ARHGAP29: variants seen among roughly 807,000 people sequenced by gnomAD.
ARHGAP29 encodes Rho GTPase activating protein 29.
In ARHGAP29, 43 loss-of-function variants were observed where a neutral mutation model predicts 122.6. The observed-to-expected ratio is 0.35, with a 90% confidence interval of 0.27 to 0.45. The LOEUF is 0.45. ARHGAP29 is among the 20% of genes least tolerant of loss of function. The pLI is 1.00. For missense variants in ARHGAP29, 1,303 were observed against 1,477.2 expected (o/e 0.88, Z 1.93); for synonymous variants, 506 against 497.1 (o/e 1.02, Z -0.24).
the ARHGAP29 span, among the ~76,000 whole-genome samples, chr1:94,310,311 G>A: frequency 1.3e-5 from 2 of 152,212 alleles, no homozygotes; most frequent in Non-Finnish European, 2.9e-5. Flanking sequence ...TCCTGTCCCA[G>A]GTGAAGAAGG....
intron 22 of ARHGAP29, among the ~76,000 whole-genome samples, chr1:94,174,968 T>A (rs974968665): frequency 6.6e-6 from 1 of 152,202 alleles, no homozygotes; most frequent in African/African-American, 2.4e-5. Context: ...TAAATCAACA[T>A]GAACAGCTAC....
At chr1:94,300,610 A>G in the ARHGAP29 span, among the ~76,000 whole-genome samples, 8 of 152,332 alleles carry the variant, frequency 5.3e-5, no homozygotes, top group African/African-American at 1.9e-4. Flanking sequence ...AGAATGTAAT[A>G]CAATTTTTAA....
chr1:94,180,275 T>C (rs1432630516), intron 19 of ARHGAP29, among the ~76,000 whole-genome samples: 1 of 152,182 alleles, frequency 6.6e-6, no homozygotes, highest in Non-Finnish European at 1.5e-5. Context: ...CCAAAGTTAG[T>C]ATGATCTTCA....
chr1:94,208,923 AAAAG>A lies in ARHGAP29; in HGVS notation c.438-23_438-20del, dbSNP rs751557084. The A allele has an allele frequency of 3.1e-6, 5 of 1,603,698 alleles. No homozygotes were observed. Among genetic ancestry groups the A allele is most frequent in the Admixed American group, 1.7e-5 (1 of 59,868 alleles). The stretch of plus-strand genomic sequence containing the variant: ...TGTAAGGCTATCCAAGGAGGTTAAA[AAAAG>A]AAAGACAAGTCATTATACTTCTTTG... On this transcript the variant is annotated intron_variant, in intron 4 of 22. Transcript: ENST00000260526.
At chr1:94,214,901 C>T (rs985474719) in intron 3 of ARHGAP29, among the ~76,000 whole-genome samples, 3 of 152,100 alleles carry the variant, frequency 2.0e-5, no homozygotes, top group African/African-American at 7.2e-5. Context: ...TCTATACACA[C>T]ATAATCAGCT....
the ARHGAP29 span, among the ~76,000 whole-genome samples, chr1:94,300,045 A>G: frequency 3.3e-5 from 5 of 152,202 alleles, no homozygotes; most frequent in African/African-American, 4.8e-5. Flanking sequence ...CACATATGCC[A>G]GTGTGCAGCA....
the ARHGAP29 span, among the ~76,000 whole-genome samples, chr1:94,308,346 A>C: frequency 6.6e-6 from 1 of 152,124 alleles, no homozygotes; most frequent in African/African-American, 2.4e-5. Context: ...TGCTTCAGAG[A>C]CATTGAGCAA....
the ARHGAP29 span, among the ~76,000 whole-genome samples, chr1:94,282,773 G>A: frequency 6.6e-6 from 1 of 152,106 alleles, no homozygotes; most frequent in Non-Finnish European, 1.5e-5. Flanking sequence ...AGAGAGCTAT[G>A]GACTGCTTCA....
chr1:94,282,885 T>G, the ARHGAP29 span, among the ~76,000 whole-genome samples: 1 of 152,220 alleles, frequency 6.6e-6, no homozygotes, highest in Admixed American at 6.5e-5. Context: ...ACTTTAGATC[T>G]GAGTGAATCT....
chr1:94,181,129 T>C (rs1160042703), intron 19 of ARHGAP29, among the ~76,000 whole-genome samples: 1 of 151,734 alleles, frequency 6.6e-6, no homozygotes, highest in African/African-American at 2.4e-5. Context: ...AGCTGAAGAG[T>C]TGAAGAGCAA....
the ARHGAP29 span, among the ~76,000 whole-genome samples, chr1:94,292,665 G>A: frequency 2.6e-5 from 4 of 152,142 alleles, no homozygotes; most frequent in Non-Finnish European, 4.4e-5. Context: ...TGTTGATGTT[G>A]ATGCTGTTCC....
At chr1:94,214,417 T>C (rs371722954) in intron 3 of ARHGAP29, among the ~76,000 whole-genome samples, 2 of 152,296 alleles carry the variant, frequency 1.3e-5, no homozygotes, top group Middle Eastern at 3.4e-3. Flanking sequence ...AAACTACCTG[T>C]CTAGTTTTAA....
chr1:94,313,164 A>G, the ARHGAP29 span, among the ~76,000 whole-genome samples: 2 of 151,218 alleles, frequency 1.3e-5, no homozygotes. Context: ...GCTTTGGAAA[A>G]TCTCCTTCCT....
At chr1:94,185,251 T>C in intron 17 of ARHGAP29, 91 bp downstream of exon 17, 2 of 1,381,010 alleles carry the variant, frequency 1.4e-6, no homozygotes, top group Non-Finnish European at 1.9e-6. Flanking sequence ...TAAACATATA[T>C]TTGCAAAAGA....
chr1:94,214,929 T>G (rs1259573058), intron 3 of ARHGAP29, among the ~76,000 whole-genome samples: 2 of 152,114 alleles, frequency 1.3e-5, no homozygotes, highest in Non-Finnish European at 2.9e-5. Flanking sequence ...ACCTATAAAA[T>G]TTCTGACACA....
At chr1:94,269,398 T>C (rs973871946) in intron 1 of ARHGAP29, among the ~76,000 whole-genome samples, 3 of 152,140 alleles carry the variant, frequency 2.0e-5, no homozygotes, top group African/African-American at 7.2e-5. Context: ...AACAGGATGC[T>C]AAAGGAACAC....
At chr1:94,189,154 C>A (rs1175710263) in intron 14 of ARHGAP29, 62 bp downstream of exon 14, 1 of 1,528,394 alleles carries the variant, frequency 6.5e-7, no homozygotes, top group Admixed American at 2.1e-5. Context: ...ATTAATTTAA[C>A]AATCACATTC....
intron 12 of ARHGAP29, among the ~76,000 whole-genome samples, chr1:94,196,816 T>C (rs985148000): frequency 9.9e-5 from 15 of 152,096 alleles, no homozygotes; most frequent in African/African-American, 2.9e-4. Context: ...CAAGGGAAAT[T>C]AGAAAATATT....
At chr1:94,211,306 A>AAAC (rs1159320033) in intron 3 of ARHGAP29, among the ~76,000 whole-genome samples, 14 of 148,416 alleles carry the variant, frequency 9.4e-5, no homozygotes, top group East Asian at 5.9e-4. Context: ...AAAAAAAAAA[A>AAAC]AAAAAAAGGA....
Sources: allele counts gnomAD v4.1 joint callset (sites outside exome capture counted in the v4.1 genomes callset), GRCh38; gene constraint gnomAD v4.1.1; transcripts MANE v1.5; gene names NCBI Gene and HGNC (gene_info 2026-07-23, HGNC 2026-07-21).